Variants in PCDH11X observed in about 807,000 individuals in gnomAD.
PCDH11X encodes the protein protocadherin-11 X-linked.
Under a neutral mutation model 53.3 loss-of-function variants are expected in PCDH11X, and 18 were observed. That is an observed-to-expected ratio of 0.34 (90% CI 0.23 to 0.50). The LOEUF (loss-of-function observed/expected upper bound fraction) is 0.50, where lower values mean the gene tolerates loss of function less well. Among genes scored for constraint, PCDH11X ranks in the 20% least tolerant of loss-of-function variants. The pLI is 0.98. For missense variants in PCDH11X, 570 were observed against 1,032.4 expected, an observed-to-expected ratio of 0.55 and a Z score of 6.14; for synonymous variants, 279 against 393.3, an observed-to-expected ratio of 0.71 and a Z score of 3.44.
At chrX:92,175,336 T>A (rs1025852403) in intron 6 of PCDH11X, among the ~76,000 whole-genome samples, 1 of 111,501 alleles carries the variant, frequency 9.0e-6, no homozygotes, top group Non-Finnish European at 1.9e-5. Context: ...AGGTAGATCT[T>A]GTACATCGGC....
chrX:92,482,220 G>A (rs1231696762), intron 10 of PCDH11X, among the ~76,000 whole-genome samples: 1 of 111,654 alleles, frequency 9.0e-6, no homozygotes, highest in Non-Finnish European at 1.9e-5. Context: ...CTGCCCCTTA[G>A]ACATCGTAGA....
chrX:91,834,154 C>G (rs1410762039), intron 4 of PCDH11X, among the ~76,000 whole-genome samples: 1 of 110,759 alleles, frequency 9.0e-6, no homozygotes, highest in Non-Finnish European at 1.9e-5. Context: ...TCTACAAATA[C>G]TATCCAGAAG....
chrX:91,843,548 C>T (rs191179067), intron 5 of PCDH11X, among the ~76,000 whole-genome samples: 1 of 110,659 alleles, frequency 9.0e-6, no homozygotes, highest in Admixed American at 9.7e-5. Context: ...AAACTCCTGA[C>T]CTCCAGTGAT....
chrX:92,357,151 A>G (rs1338796265), intron 8 of PCDH11X, among the ~76,000 whole-genome samples: 1 of 109,959 alleles, frequency 9.1e-6, no homozygotes, highest in African/African-American at 3.3e-5. Flanking sequence ...CTGATAACTT[A>G]TATTGCTCAA....
intron 9 of PCDH11X, among the ~76,000 whole-genome samples, chrX:92,403,986 TAAG>T (rs1276505229): frequency 9.1e-6 from 1 of 110,043 alleles, no homozygotes; most frequent in African/African-American, 3.3e-5. Context: ...CGGCAGAATA[TAAG>T]AAGACGTCAC....
At chrX:92,005,476 C>A (rs1227435558) in intron 6 of PCDH11X, among the ~76,000 whole-genome samples, 2 of 111,334 alleles carry the variant, frequency 1.8e-5, no homozygotes, top group Non-Finnish European at 3.8e-5. Flanking sequence ...AGAAAGAAAA[C>A]AAATAAAAAC....
At chrX:92,599,669 C>G (rs1418993682) in intron 10 of PCDH11X, among the ~76,000 whole-genome samples, 2 of 111,220 alleles carry the variant, frequency 1.8e-5, no homozygotes, top group Non-Finnish European at 3.8e-5. Flanking sequence ...CAAATTGGTA[C>G]CAGGATTAGG....
intron 9 of PCDH11X, among the ~76,000 whole-genome samples, chrX:92,437,004 ATTGT>A (rs2072394573): frequency 9.2e-6 from 1 of 108,567 alleles, no homozygotes. Context: ...ATGTAATTTG[ATTGT>A]TTGTAACACA....
At chrX:91,793,564 A>C (rs1454147303) in intron 1 of PCDH11X, among the ~76,000 whole-genome samples, 1 of 111,285 alleles carries the variant, frequency 9.0e-6, no homozygotes, top group Admixed American at 9.6e-5. Flanking sequence ...CAAGAAAGGA[A>C]TACTAAGTTG....
intron 6 of PCDH11X, among the ~76,000 whole-genome samples, chrX:92,097,571 A>T (rs1294668645): frequency 9.0e-6 from 1 of 110,604 alleles, no homozygotes; most frequent in Non-Finnish European, 1.9e-5. Context: ...CATATGAAAA[A>T]TTTGATATTT....
At chrX:92,128,160 A>G (rs183646176) in intron 6 of PCDH11X, among the ~76,000 whole-genome samples, 1 of 111,696 alleles carries the variant, frequency 9.0e-6, no homozygotes, top group African/African-American at 3.2e-5. Context: ...AAATACTATT[A>G]AATGCTTTAC....
intron 6 of PCDH11X, among the ~76,000 whole-genome samples, chrX:92,130,232 T>A (rs1389825937): frequency 9.0e-6 from 1 of 111,438 alleles, no homozygotes; most frequent in Non-Finnish European, 1.9e-5. Context: ...TTTCACTTAT[T>A]TACTCCTATA....
At chrX:92,232,111 T>C (rs759199290) in intron 7 of PCDH11X, among the ~76,000 whole-genome samples, 5 of 112,309 alleles carry the variant, frequency 4.5e-5, no homozygotes, top group Non-Finnish European at 9.4e-5. Flanking sequence ...TGAGATATAT[T>C]GCAGCCATTA....
intron 8 of PCDH11X, among the ~76,000 whole-genome samples, chrX:92,378,344 GAAAT>G (rs1344685917): frequency 9.2e-6 from 1 of 108,763 alleles, no homozygotes; most frequent in Non-Finnish European, 1.9e-5. Flanking sequence ...TAAAAATTGT[GAAAT>G]AATCATATTC....
At chrX:92,277,624 G>T (rs2068131647) in intron 8 of PCDH11X, among the ~76,000 whole-genome samples, 1 of 108,406 alleles carries the variant, frequency 9.2e-6, no homozygotes, top group African/African-American at 3.4e-5. Flanking sequence ...AGAGATAAGA[G>T]GTCGGGGCAT....
At chrX:92,149,961 A>G (rs943145037) in intron 6 of PCDH11X, among the ~76,000 whole-genome samples, 1 of 111,690 alleles carries the variant, frequency 9.0e-6, no homozygotes, top group Non-Finnish European at 1.9e-5. Flanking sequence ...ATAATATTCA[A>G]CTTTATGGAT....
chrX:91,823,013 G>C (rs1302285438), intron 4 of PCDH11X, among the ~76,000 whole-genome samples: 1 of 109,525 alleles, frequency 9.1e-6, no homozygotes, highest in African/African-American at 3.3e-5. Flanking sequence ...CTGAGTTCTA[G>C]TTTGATTGCA....
At chrX:91,993,763 C>T (rs1053640876) in intron 6 of PCDH11X, among the ~76,000 whole-genome samples, 13 of 111,606 alleles carry the variant, frequency 1.2e-4, no homozygotes, top group Middle Eastern at 4.2e-3. Context: ...AGGCTGCTTT[C>T]GGGAAATAAA....
chrX:91,970,001 C>A (rs999228176), intron 6 of PCDH11X, among the ~76,000 whole-genome samples: 1 of 109,767 alleles, frequency 9.1e-6, no homozygotes, highest in Non-Finnish European at 1.9e-5. Context: ...TGGTTCTTTC[C>A]GGTGGGTTCT....
Sources: allele counts gnomAD v4.1 joint callset (sites outside exome capture counted in the v4.1 genomes callset), GRCh38; gene constraint gnomAD v4.1.1; transcripts MANE v1.5; gene names NCBI Gene and HGNC (gene_info 2026-07-23, HGNC 2026-07-21).